Variants in CDHR2 observed in about 807,000 individuals in gnomAD.
CDHR2 encodes the protein cadherin related family member 2.
Under a neutral mutation model 138.6 loss-of-function variants are expected in CDHR2, and 104 were observed. The observed-to-expected ratio is 0.75, with a 90% CI of 0.64 to 0.88. CDHR2 has a LOEUF of 0.88. Among genes scored for constraint, CDHR2 ranks in the 40% least tolerant of loss-of-function variants. The probability of loss-of-function intolerance (pLI) is 0.00; values close to 1 mark genes in which losing one functional copy is unlikely to be tolerated. For synonymous variants in CDHR2, 755 were observed against 742.8 expected (o/e 1.02, Z -0.27); for missense variants, 1,624 against 1,727.6 (o/e 0.94, Z 1.06).
At chr5:176,564,282 T>A (rs949280540) in intron 1 of CDHR2, among the ~76,000 whole-genome samples, 6 of 152,174 alleles carry the variant, frequency 3.9e-5, no homozygotes, top group African/African-American at 1.4e-4. Flanking sequence ...GCCTCCCGGA[T>A]TCAAGCAATT....
intron 19 of CDHR2, among the ~76,000 whole-genome samples, chr5:176,585,384 C>T (rs1758634780): frequency 6.6e-6 from 1 of 152,224 alleles, no homozygotes; most frequent in African/African-American, 2.4e-5. Flanking sequence ...ATAATAATCA[C>T]ATTAACAACT....
At chr5:176,595,531 G>T, downstream of CDHR2, 1 of 1,593,864 alleles carries the variant, frequency 6.3e-7, no homozygotes, top group Non-Finnish European at 8.6e-7. Context: ...TCTCCCTGCA[G>T]GAGCACAGGC....
intron 1 of CDHR2, among the ~76,000 whole-genome samples, chr5:176,557,016 C>T (rs112507016): frequency 0.12 from 6,763 of 55,220 alleles, 385 homozygotes; most frequent in African/African-American, 0.25. Flanking sequence ...CTCTCTCTCT[C>T]TTTTTTTTTT....
At chr5:176,586,637 C>T in intron 20 of CDHR2, 156 bp from the exon 21 acceptor site, 1 of 634,850 alleles carries the variant, frequency 1.6e-6, no homozygotes. Flanking sequence ...GACTTGCTAA[C>T]TACTGGCCCA....
rs966174342 is a variant in CDHR2, at chr5:176,551,227, G to A, written c.-16+1813G>A. On this transcript the variant is annotated intron_variant, in intron 1 of 31. Coordinates refer to ENST00000261944, the MANE Select transcript of CDHR2 (RefSeq NM_017675.6). Reference sequence around the variant, plus strand: ...TTGTCGCCCAGGCTCCAGTGCAGTGGTGCGATCTCAGTTCACCACAACCTC... The same window carrying A: ...TTGTCGCCCAGGCTCCAGTGCAGTGATGCGATCTCAGTTCACCACAACCTC... 2.6e-5 allele frequency among the ~76,000 whole-genome samples: 4 copies of A among 152,098 alleles called. No homozygotes were observed. In the East Asian group the frequency reaches 7.7e-4, roughly 29 times the overall value.
chr5:176,591,734 TTG>T, intron 30 of CDHR2: 1 of 434,352 alleles, frequency 2.3e-6, no homozygotes. Context: ...ATGGTGATGG[TTG>T]TGATGGTGAT....
In CDHR2 at chr5:176,575,509, A is replaced by G. The variant is rs766951572; in HGVS notation, c.772A>G (p.Thr258Ala). Residue 258 changes from threonine (T) to alanine (A), a missense_variant, in exon 10 of 32, where the codon ACC becomes GCC. By Grantham distance (58) the Thr-to-Ala change is moderately conservative (BLOSUM62 0). Transcript: ENST00000261944. ...CACTGACCAGGCCCCATTCCAGGGAACCTCGGTGCTGACGGTGGAGGCTGT... is the reference window on the plus strand; with the variant it reads ...CACTGACCAGGCCCCATTCCAGGGAGCCTCGGTGCTGACGGTGGAGGCTGT... ...ASVAEDAAKG[T>A]SVLTVEAVDG... 3 of 1,613,950 alleles carry G rather than the reference A, an allele frequency of 1.9e-6. No homozygotes were observed. The highest frequency in any genetic ancestry group is 2.2e-5 in the South Asian group (2 of 91,076).
rs773076125 is a variant in CDHR2, at chr5:176,577,640, G to A, written c.1354G>A (p.Val452Met). 6.2e-7 allele frequency: 1 copy of A among 1,614,200 alleles called. No homozygotes were observed. ...CTGCCTCCTCCCCTGCCCCCAGGTT[G>A]TGGCCACAGACTCCGTCAGCCAGAA... Reference protein sequence around the residue: ...ERQTAMAVQVVATDSVSQNFS... With the variant: ...ERQTAMAVQVMATDSVSQNFS... Residue 452 changes from valine (V) to methionine (M), a missense_variant, in exon 14 of 32, where the codon GTG becomes ATG. Val to Met is a conservative substitution (Grantham distance 21). This residue lies in a region of CDHR2 where 1,061 missense variants were observed against 1,136.6 expected (regional missense o/e 0.93). Transcript: ENST00000261944.
At chr5:176,545,506 C>G (rs1013625569), upstream of CDHR2, among the ~76,000 whole-genome samples, 16 of 152,196 alleles carry the variant, frequency 1.1e-4, no homozygotes, top group Admixed American at 7.2e-4. Context: ...GTGAAGGAAC[C>G]CTGATGTGTA....
At chr5:176,565,441 C>T in intron 2 of CDHR2, 37 bp downstream of exon 2, 1 of 1,595,320 alleles carries the variant, frequency 6.3e-7, no homozygotes, top group East Asian at 2.2e-5. Flanking sequence ...CAGCCCTAAC[C>T]TAGAGACCCT....
intron 6 of CDHR2, among the ~76,000 whole-genome samples, chr5:176,572,793 A>C (rs914390389): frequency 1.3e-5 from 2 of 152,190 alleles, no homozygotes; most frequent in African/African-American, 4.8e-5. Context: ...AGAGGCTCTG[A>C]TGCAATGCCT....
upstream of CDHR2, among the ~76,000 whole-genome samples, chr5:176,546,316 A>G (rs1048442458): frequency 6.6e-6 from 1 of 152,126 alleles, no homozygotes; most frequent in African/African-American, 2.4e-5. Flanking sequence ...CCCATCTGTA[A>G]TGGGGAAAAA....
At chr5:176,542,515 G>A (rs565501028) in exon 1 of CDHR2, 16 of 152,312 alleles carry the variant, frequency 1.1e-4, no homozygotes, top group African/African-American at 3.9e-4. Flanking sequence ...TTCTGCAAAG[G>A]GGGCAGGAAC....
chr5:176,570,037 C>T (rs1278749879), intron 5 of CDHR2, among the ~76,000 whole-genome samples: 5 of 152,082 alleles, frequency 3.3e-5, no homozygotes, highest in Admixed American at 6.5e-5. Flanking sequence ...AAGTGTTGAC[C>T]GTTACTGTAT....
chr5:176,552,472 CCA>C (rs1757728081), intron 1 of CDHR2, among the ~76,000 whole-genome samples: 1 of 152,198 alleles, frequency 6.6e-6, no homozygotes, highest in Non-Finnish European at 1.5e-5. Flanking sequence ...CCCAGGACCT[CCA>C]AGGACCTCGC....
chr5:176,578,027 C>T lies in CDHR2; in HGVS notation c.1513-7C>T. On this transcript the variant is annotated splice_polypyrimidine_tract_variant and splice_region_variant and intron_variant, in intron 14 of 31. Coordinates refer to ENST00000261944, the MANE Select transcript of CDHR2 (RefSeq NM_017675.6). Reference sequence around the variant, plus strand: ...ACACAGCACCCTGCCATGTCTCTGCCTCACAGGCCACGGACCCAGACACGG... The same window carrying T: ...ACACAGCACCCTGCCATGTCTCTGCTTCACAGGCCACGGACCCAGACACGG... The T allele has an allele frequency of 6.2e-7, 1 of 1,609,368 alleles. No individual in the cohort carries two copies. Among genetic ancestry groups the T allele is most frequent in the Non-Finnish European group, 8.5e-7 (1 of 1,176,900 alleles).
At chr5:176,591,374 C>A in intron 29 of CDHR2, 30 bp from the exon 30 acceptor site, 1 of 1,612,178 alleles carries the variant, frequency 6.2e-7, no homozygotes, top group Middle Eastern at 1.7e-4. Flanking sequence ...TGGCTGAGGG[C>A]CAGGCAACTT....
chr5:176,548,506 G>A (rs1469725850), upstream of CDHR2, among the ~76,000 whole-genome samples: 1 of 152,182 alleles, frequency 6.6e-6, no homozygotes, highest in Non-Finnish European at 1.5e-5. Context: ...TTGGAAGGCC[G>A]AGGCAGGCGG....
chr5:176,575,618 G>A (rs1389738185), intron 10 of CDHR2, 37 bp downstream of exon 10: 10 of 1,608,128 alleles, frequency 6.2e-6, no homozygotes, highest in Non-Finnish European at 8.5e-6. Context: ...GGCTGGGCCG[G>A]GGCCAGGGTG....
Sources: gnomAD v4.1 joint callset for allele counts (sites outside exome capture counted in the v4.1 genomes callset) on GRCh38, gnomAD v4.1.1 for gene constraint, gnomAD v4.1.1 regional missense constraint, MANE v1.5 for transcripts, NCBI Gene and HGNC (gene_info 2026-07-23, HGNC 2026-07-21) for gene names.